The following PDE8A variants were observed in gnomAD, a reference collection of about 807,000 sequenced individuals.
PDE8A encodes the protein phosphodiesterase 8A, also known as high affinity cAMP-specific and IBMX-insensitive 3',5'-cyclic phosphodiesterase 8A.
PDE8A carries 59 observed loss-of-function variants against 105.0 expected under a neutral mutation model. The ratio of observed to expected loss-of-function variants is 0.56; its 90% CI spans 0.46 to 0.70. PDE8A has a LOEUF of 0.70. Ranked by LOEUF, PDE8A falls within the 30% of genes least tolerant of loss-of-function variation. PDE8A has a pLI of 0.00. For synonymous variants in PDE8A, 355 were observed against 371.9 expected, an observed-to-expected ratio of 0.95 and a Z score of 0.52; for missense variants, 1,014 against 1,045.9, an observed-to-expected ratio of 0.97 and a Z score of 0.42.
chr15:85,082,648 TA>T (rs2081485465), intron 5 of PDE8A, among the ~76,000 whole-genome samples: 1 of 152,184 alleles, frequency 6.6e-6, no homozygotes, highest in Non-Finnish European at 1.5e-5. Context: ...GGCTGGGGCT[TA>T]TAGATAGTGA....
At chr15:85,136,052 G>A (rs1245211889) in intron 20 of PDE8A, among the ~76,000 whole-genome samples, 1 of 152,132 alleles carries the variant, frequency 6.6e-6, no homozygotes, top group East Asian at 1.9e-4. Context: ...TTTTCTTTGA[G>A]GGATGTGAGC....
chr15:84,980,900 A>G (rs2079695974), upstream of PDE8A, among the ~76,000 whole-genome samples: 1 of 152,124 alleles, frequency 6.6e-6, no homozygotes, highest in Non-Finnish European at 1.5e-5. Flanking sequence ...GCGCCTGTGT[A>G]ATCCGAGGCG....
At chr15:85,066,917 C>T (rs903399804) in intron 2 of PDE8A, 97 bp from the exon 3 acceptor site, 2 of 868,314 alleles carry the variant, frequency 2.3e-6, no homozygotes, top group African/African-American at 1.7e-5. Flanking sequence ...CCAGCCTGAG[C>T]AACAGAGCAA....
chr15:85,037,014 A>C (rs1659975029), intron 1 of PDE8A, among the ~76,000 whole-genome samples: 1 of 151,576 alleles, frequency 6.6e-6, no homozygotes, highest in Non-Finnish European at 1.5e-5. Flanking sequence ...GCTATTAGAG[A>C]GAGGTCTTTT....
At chr15:85,073,900 G>T (rs2081346599) in intron 3 of PDE8A, among the ~76,000 whole-genome samples, 1 of 152,204 alleles carries the variant, frequency 6.6e-6, no homozygotes, top group African/African-American at 2.4e-5. Flanking sequence ...CCCCAGTCAG[G>T]GGGACCAGGG....
chr15:85,052,835 C>T (rs932817519), intron 1 of PDE8A, among the ~76,000 whole-genome samples: 27 of 152,168 alleles, frequency 1.8e-4, no homozygotes, highest in Non-Finnish European at 3.4e-4. Flanking sequence ...TAATTAGATC[C>T]CATTTGTCAA....
intron 8 of PDE8A, among the ~76,000 whole-genome samples, chr15:85,093,133 G>C (rs1194617260): frequency 6.6e-6 from 1 of 152,130 alleles, no homozygotes; most frequent in Non-Finnish European, 1.5e-5. Context: ...TCGAACTCCT[G>C]GGCTCAAGCA....
chr15:85,035,076 G>C (rs1219887125), intron 1 of PDE8A, among the ~76,000 whole-genome samples: 1 of 151,934 alleles, frequency 6.6e-6, no homozygotes, highest in African/African-American at 2.4e-5. Context: ...GGTTACAACA[G>C]TCTTGGTCAT....
chr15:85,100,251 A>T (rs186140259), intron 11 of PDE8A, 53 bp downstream of exon 11: 1 of 1,485,406 alleles, frequency 6.7e-7, no homozygotes, highest in Admixed American at 1.8e-5. Context: ...GGAGAAAAAA[A>T]ATAAAAACAG....
At chr15:84,996,174 T>A (rs1009444377) in intron 1 of PDE8A, among the ~76,000 whole-genome samples, 1 of 139,676 alleles carries the variant, frequency 7.2e-6, no homozygotes, top group African/African-American at 3.4e-5. Flanking sequence ...ATAGTGTTTT[T>A]AAAATTTTTT....
rs183865344 is a variant in PDE8A, at chr15:85,008,656, G to A, written c.186+26308G>A. On this transcript the variant is annotated intron_variant, in intron 1 of 21. Transcript: ENST00000394553. ...CACAGCTGAGGTCTTCTTTGCATTC[G>A]GCCAAACCCTTTTCTGACTCCAGGC... is the stretch of plus-strand genomic sequence containing the variant. Among the ~76,000 whole-genome samples the A allele has an allele frequency of 9.3e-4, 142 of 152,096 alleles. 1 individual carries two copies. Among genetic ancestry groups the A allele is most frequent in the Non-Finnish European group, 2.6e-4 (18 of 67,984 alleles).
At position 85,083,645 on chromosome 15, in the gene PDE8A, G is replaced by A; in HGVS notation, c.635+1G>A. ...AGGTGCGATCACAACTGAAACTCAG[G>A]TAATTCTACCACTTCTGGAAAGCCC... On this transcript the variant is annotated splice_donor_variant, in intron 6 of 21. Transcript: ENST00000394553. LOFTEE classifies it high-confidence loss of function. 6.2e-7 allele frequency: 1 copy of A among 1,602,018 alleles called. No homozygotes were observed. Among genetic ancestry groups the A allele is most frequent in the Non-Finnish European group, 8.6e-7 (1 of 1,169,128 alleles).
Position 84,981,964 on chromosome 15 carries a change from C to A in PDE8A, c.-199C>A. ...ACGCCACCCGCCTAAGCGCCCCCTT[C>A]CCACCGCAGCCGCCGCCGCCGCAGC... On this transcript the variant is annotated 5_prime_UTR_variant, in exon 1 of 22. Coordinates refer to ENST00000394553, the MANE Select transcript of PDE8A (RefSeq NM_002605.3). 3.5e-6 allele frequency: 1 copy of A among 286,172 alleles called. No homozygotes were observed. Among genetic ancestry groups the A allele is most frequent in the Non-Finnish European group, 6.4e-6 (1 of 156,270 alleles). 17.7% of individuals were successfully genotyped at this position (286,172 alleles called of 1,614,324 possible). A position where few individuals can be genotyped will look rare whatever the true frequency, so the allele number is the denominator to read the frequency against.
At chr15:85,096,513 A>T (rs1420302202) in intron 8 of PDE8A, among the ~76,000 whole-genome samples, 1 of 152,170 alleles carries the variant, frequency 6.6e-6, no homozygotes, top group Non-Finnish European at 1.5e-5. Context: ...CAGTTTTGCA[A>T]ATGTCACAAT....
intron 8 of PDE8A, among the ~76,000 whole-genome samples, chr15:85,094,131 G>C (rs1431602738): frequency 6.6e-6 from 1 of 152,092 alleles, no homozygotes; most frequent in Non-Finnish European, 1.5e-5. Context: ...CCAAAGTACT[G>C]GGATTACAGG....
At chr15:85,070,177 A>G (rs1275389372) in intron 3 of PDE8A, among the ~76,000 whole-genome samples, 2 of 152,112 alleles carry the variant, frequency 1.3e-5, no homozygotes, top group Non-Finnish European at 2.9e-5. Flanking sequence ...AGAGCTTTTC[A>G]TCGGTTGTTG....
intron 1 of PDE8A, among the ~76,000 whole-genome samples, chr15:85,034,740 G>T (rs1218770792): frequency 1.3e-5 from 2 of 152,126 alleles, no homozygotes; most frequent in African/African-American, 2.4e-5. Flanking sequence ...TAGAGACAGG[G>T]TCTCACTATG....
chr15:85,110,573 C>T (rs1168612597), intron 12 of PDE8A, among the ~76,000 whole-genome samples: 2 of 152,206 alleles, frequency 1.3e-5, no homozygotes, highest in East Asian at 1.9e-4. Flanking sequence ...TGTCTAGCTT[C>T]TTGCACTTTC....
intron 11 of PDE8A, among the ~76,000 whole-genome samples, chr15:85,104,326 C>T (rs1322634865): frequency 6.6e-6 from 1 of 152,088 alleles, no homozygotes; most frequent in Non-Finnish European, 1.5e-5. Flanking sequence ...AAGTAGGGGT[C>T]ATGCAGAGGA....
Sources: gnomAD v4.1 joint callset for allele counts (sites outside exome capture counted in the v4.1 genomes callset) on GRCh38, gnomAD v4.1.1 for gene constraint, MANE v1.5 for transcripts, NCBI Gene and HGNC (gene_info 2026-07-23, HGNC 2026-07-21) for gene names.